Variants in TRIO observed in about 807,000 individuals in gnomAD.
TRIO encodes trio Rho guanine nucleotide exchange factor, also known as triple functional domain protein.
In TRIO, 58 loss-of-function variants were observed where a neutral mutation model predicts 351.9. That is an observed-to-expected ratio of 0.16 (90% confidence interval 0.13 to 0.21). TRIO has a LOEUF of 0.21. Among genes scored for constraint, TRIO ranks in the 10% least tolerant of loss-of-function variants. The pLI is 1.00. For missense variants in TRIO, 3,201 were observed against 4,027.8 expected (o/e 0.79, Z 5.56); for synonymous variants, 1,758 against 1,595.7 (o/e 1.10, Z -2.42).
At chr5:14,419,650 AAC>A in intron 33 of TRIO, 126 bp from the exon 34 acceptor site, 2 of 1,295,312 alleles carry the variant, frequency 1.5e-6, no homozygotes, top group Non-Finnish European at 2.1e-6. Context: ...GTGATCACAC[AAC>A]CTCGGAGCAC....
intron 11 of TRIO, among the ~76,000 whole-genome samples, chr5:14,355,801 A>G (rs1743565098): frequency 6.6e-6 from 1 of 152,192 alleles, no homozygotes; most frequent in South Asian, 2.1e-4. Context: ...GATTTGATGA[A>G]TTGGTGCGTG....
intron 53 of TRIO, among the ~76,000 whole-genome samples, chr5:14,500,901 A>AC (rs1757242503): frequency 6.6e-6 from 1 of 151,010 alleles, no homozygotes; most frequent in Non-Finnish European, 1.5e-5. Flanking sequence ...AAAAAAAAAA[A>AC]AAAAAAAAAA....
chr5:14,164,076 C>T (rs939605446), intron 1 of TRIO, among the ~76,000 whole-genome samples: 1 of 152,158 alleles, frequency 6.6e-6, no homozygotes, highest in Admixed American at 6.5e-5. Flanking sequence ...TTTCTGATGC[C>T]ACTCAGCAGT....
intron 1 of TRIO, among the ~76,000 whole-genome samples, chr5:14,157,532 CCT>C (rs1788183381): frequency 1.9e-5 from 2 of 104,072 alleles, no homozygotes; most frequent in Admixed American, 1.9e-4. Flanking sequence ...TCCCTGTCTC[CCT>C]CTCTCTCCCT....
Position 14,487,760 on chromosome 5 carries a change from C to CCCCCTGGCGCGG in TRIO, c.7137_7148dup (p.Gly2380_Pro2383dup), listed in dbSNP as rs951098978. 1.6e-5 allele frequency: 22 copies of CCCCCTGGCGCGG among 1,380,730 alleles called. No individual in the cohort carries two copies. The highest frequency in any genetic ancestry group is 2.0e-4 in the Middle Eastern group (1 of 5,012). The allele number at this position is 1,380,730 out of a possible 1,614,324, so 85.5% of individuals were successfully genotyped here. On this transcript the variant is annotated inframe_insertion, in exon 48 of 57. Transcript: ENST00000344204. Reference sequence around the variant, plus strand: ...GTCCACCCCCGGGCCCTCCCTGCCTCCCCCTGGCGCGGCCCCCGAGGCCGG... The same window carrying CCCCCTGGCGCGG: ...GTCCACCCCCGGGCCCTCCCTGCCTCCCCCTGGCGCGGCCCCTGGCGCGGCCCCCGAGGCCGG...
chr5:14,277,013 T>G (rs1735577804), intron 2 of TRIO, among the ~76,000 whole-genome samples: 1 of 152,254 alleles, frequency 6.6e-6, no homozygotes, highest in Non-Finnish European at 1.5e-5. Flanking sequence ...CCATCAGGCA[T>G]TGCTGCTAAC....
chr5:14,377,451 G>T (rs1426407902), intron 19 of TRIO, among the ~76,000 whole-genome samples: 1 of 151,926 alleles, frequency 6.6e-6, no homozygotes, highest in Non-Finnish European at 1.5e-5. Context: ...TCGCTATGTT[G>T]GCCAGGCTGG....
intron 1 of TRIO, among the ~76,000 whole-genome samples, chr5:14,179,431 TTAAA>T (rs1165011687): frequency 3.3e-5 from 5 of 152,134 alleles, no homozygotes; most frequent in African/African-American, 7.2e-5. Flanking sequence ...ATATAAATAT[TTAAA>T]TAAATCAACA....
chr5:14,436,010 G>A (rs2152400853), intron 34 of TRIO, among the ~76,000 whole-genome samples: 1 of 152,318 alleles, frequency 6.6e-6, no homozygotes, highest in South Asian at 2.1e-4. Context: ...CTTAGCAGAT[G>A]TGTGTGTACC....
chr5:14,423,924 ATTTTTTTTTTT>A (rs577094390), intron 34 of TRIO, among the ~76,000 whole-genome samples: 2 of 118,184 alleles, frequency 1.7e-5, no homozygotes, highest in Admixed American at 1.7e-4. Flanking sequence ...ACCCCATGGA[ATTTTTTTTTTT>A]TTTTTTTTTT....
intron 1 of TRIO, among the ~76,000 whole-genome samples, chr5:14,167,275 A>G (rs1788824770): frequency 6.6e-6 from 1 of 151,866 alleles, no homozygotes; most frequent in Admixed American, 6.6e-5. Context: ...GTTCTTGGGT[A>G]TATTTTTACA....
intron 1 of TRIO, among the ~76,000 whole-genome samples, chr5:14,156,344 T>A (rs1166332461): frequency 1.3e-5 from 2 of 152,214 alleles, no homozygotes; most frequent in Non-Finnish European, 2.9e-5. Flanking sequence ...ATCTAGGCAC[T>A]AAGCGTGCTC....
At chr5:14,401,270 T>A (rs1315642646) in intron 31 of TRIO, among the ~76,000 whole-genome samples, 1 of 152,234 alleles carries the variant, frequency 6.6e-6, no homozygotes, top group South Asian at 2.1e-4. Flanking sequence ...AGTTAAACTT[T>A]CACTTGACTC....
At chr5:14,248,213 A>G (rs1204035804) in intron 1 of TRIO, among the ~76,000 whole-genome samples, 1 of 152,216 alleles carries the variant, frequency 6.6e-6, no homozygotes, top group Non-Finnish European at 1.5e-5. Flanking sequence ...GCACCAAGTT[A>G]AAATAATCAA....
chr5:14,298,244 T>TTTAAGCAAACTTGC (rs1737535407), intron 7 of TRIO, among the ~76,000 whole-genome samples: 2 of 152,308 alleles, frequency 1.3e-5, no homozygotes, highest in Admixed American at 1.3e-4. Context: ...CATACCTCCA[T>TTTAAGCAAACTTGC]TTAAGCAAAC....
rs1252688820 is a variant in TRIO, at chr5:14,465,425, T to C, written c.5668-120T>C. 9.2e-6 allele frequency: 8 copies of C among 870,122 alleles called. No homozygotes were observed. In the East Asian group the frequency reaches 2.1e-4, roughly 22 times the overall value. 53.9% of individuals were successfully genotyped at this position (870,122 alleles called of 1,614,324 possible). A position where few individuals can be genotyped will look rare whatever the true frequency, so the allele number is the denominator to read the frequency against. Reference sequence around the variant, plus strand: ...ATAAATGTAAACAAAGACAAACTTGTGGTCTTTTTGTCTGGAATTACTTTC... The same window carrying C: ...ATAAATGTAAACAAAGACAAACTTGCGGTCTTTTTGTCTGGAATTACTTTC... On this transcript the variant is annotated intron_variant, in intron 36 of 56. Coordinates refer to ENST00000344204, the MANE Select transcript of TRIO (RefSeq NM_007118.4).
At chr5:14,438,344 C>T (rs766265565) in intron 34 of TRIO, among the ~76,000 whole-genome samples, 8 of 152,220 alleles carry the variant, frequency 5.3e-5, no homozygotes, top group African/African-American at 1.4e-4. Context: ...CTAATGTTCT[C>T]ACACGGCAGA....
intron 36 of TRIO, among the ~76,000 whole-genome samples, chr5:14,464,933 G>A (rs1754139724): frequency 6.6e-6 from 1 of 152,140 alleles, no homozygotes; most frequent in South Asian, 2.1e-4. Context: ...AGTGGCATCT[G>A]ATAGCTTGTG....
chr5:14,431,115 A>AG (rs1751083987), intron 34 of TRIO, among the ~76,000 whole-genome samples: 1 of 152,206 alleles, frequency 6.6e-6, no homozygotes, highest in Admixed American at 6.5e-5. Flanking sequence ...GCATGGGGGT[A>AG]GGAGGCTACC....
Sources: allele counts gnomAD v4.1 joint callset (sites outside exome capture counted in the v4.1 genomes callset), GRCh38; gene constraint gnomAD v4.1.1; transcripts MANE v1.5; gene names NCBI Gene and HGNC (gene_info 2026-07-23, HGNC 2026-07-21).